Variants in C10orf90 observed in about 807,000 individuals in gnomAD.
The protein encoded by C10orf90 is chromosome 10 open reading frame 90.
C10orf90 carries 56 observed loss-of-function variants against 62.5 expected under a neutral mutation model. The ratio of observed to expected loss-of-function variants is 0.90; its 90% CI spans 0.72 to 1.12. The LOEUF (loss-of-function observed/expected upper bound fraction) is 1.12, where lower values mean the gene tolerates loss of function less well. C10orf90 is among the 50% of genes most tolerant of loss of function. The pLI is 0.00. For synonymous variants in C10orf90, 386 were observed against 340.4 expected (o/e 1.13, Z -1.47); for missense variants, 970 against 880.4 (o/e 1.10, Z -1.29).
chr10:126,600,671 G>T (rs567175359), intron 2 of C10orf90, among the ~76,000 whole-genome samples: 7 of 152,210 alleles, frequency 4.6e-5, no homozygotes, highest in African/African-American at 1.7e-4. Flanking sequence ...AAATTGATAC[G>T]ATGTATTACA....
chr10:126,664,551 C>T lies in C10orf90; in HGVS notation c.240+5690G>A, dbSNP rs1371750807. Among the ~76,000 whole-genome samples, 5 of 152,268 alleles carry T rather than the reference C, an allele frequency of 3.3e-5. No individual in the cohort carries two copies. In the East Asian group the frequency reaches 7.7e-4, roughly 24 times the overall value. On this transcript the variant is annotated intron_variant, in intron 1 of 9. Transcript: ENST00000488181. Reference sequence around the variant, plus strand: ...GGTGAGAGCCCAGACAGCCTCAACCCGGTGCTCTTTCTCTTAACCACACCA... The same window carrying T: ...GGTGAGAGCCCAGACAGCCTCAACCTGGTGCTCTTTCTCTTAACCACACCA...
intron 2 of C10orf90, among the ~76,000 whole-genome samples, chr10:126,529,550 GA>G (rs1864039134): frequency 6.9e-6 from 1 of 145,128 alleles, no homozygotes. Context: ...CAACTCAATG[GA>G]AAAATAAGCA....
chr10:126,627,088 A>C (rs1203123520), intron 2 of C10orf90, among the ~76,000 whole-genome samples: 1 of 139,840 alleles, frequency 7.2e-6, no homozygotes, highest in Non-Finnish European at 1.5e-5. Context: ...CAACCTCCGC[A>C]TCCTGGATTG....
chr10:126,456,755 CA>C lies in C10orf90; in HGVS notation c.2188+2284del, dbSNP rs1338207759. 1.3e-5 allele frequency among the ~76,000 whole-genome samples: 2 copies of C among 152,054 alleles called. No homozygotes were observed. The highest frequency in any genetic ancestry group is 2.9e-5 in the Non-Finnish European group (2 of 68,008). On this transcript the variant is annotated intron_variant, in intron 7 of 9. Transcript: ENST00000488181. The surrounding 1 kb of genome is among the most constrained non-coding windows in gnomAD (Gnocchi z 4.9). ...AAATTTGAACATAGAGACACAGACG[CA>C]GGGAGGATGGCCATGTGGAGACAGA... is the stretch of plus-strand genomic sequence containing the variant.
chr10:126,508,730 C>T lies in C10orf90; in HGVS notation c.406-3645G>A, dbSNP rs182580349. Among the ~76,000 whole-genome samples, 854 of 152,280 alleles carry T rather than the reference C, an allele frequency of 5.6e-3. 10 individuals are homozygous for T. Among genetic ancestry groups the T allele is most frequent in the African/African-American group, 0.019 (802 of 41,556 alleles). Reference sequence around the variant, plus strand: ...ACAGGACCTTGGACAGGGCCTTTGGCTGCCACAGCTGCTAAGCAAGGAGAA... The same window carrying T: ...ACAGGACCTTGGACAGGGCCTTTGGTTGCCACAGCTGCTAAGCAAGGAGAA... On this transcript the variant is annotated intron_variant, in intron 3 of 9. Transcript: ENST00000488181.
intron 7 of C10orf90, among the ~76,000 whole-genome samples, chr10:126,443,588 C>T (rs973062565): frequency 9.9e-5 from 15 of 151,886 alleles, no homozygotes; most frequent in African/African-American, 3.6e-4. Context: ...GAGCAGAATT[C>T]TACTAGCCAT....
At chr10:126,501,171 G>A (rs1325724864) in intron 4 of C10orf90, among the ~76,000 whole-genome samples, 1 of 152,172 alleles carries the variant, frequency 6.6e-6, no homozygotes, top group African/African-American at 2.4e-5. Flanking sequence ...GAAAGCTCTT[G>A]CATTAAGGCT....
chr10:126,563,422 C>T (rs1228817854), intron 2 of C10orf90, among the ~76,000 whole-genome samples: 3 of 152,212 alleles, frequency 2.0e-5, no homozygotes, highest in Non-Finnish European at 4.4e-5. Flanking sequence ...TGGCCACATG[C>T]AAAGCTCCTG....
chr10:126,652,891 G>C lies in C10orf90; in HGVS notation c.241-6254C>G, dbSNP rs1591176844. Among the ~76,000 whole-genome samples the C allele has an allele frequency of 2.0e-5, 3 of 152,136 alleles. No homozygotes were observed. The South Asian group carries it at 6.2e-4, about 32-fold the overall frequency. Reference sequence around the variant, plus strand: ...TTTACAGGCATACCTCAGAGATATTGGGGGTTCAGTTGCAGACCACCACAA... The same window carrying C: ...TTTACAGGCATACCTCAGAGATATTCGGGGTTCAGTTGCAGACCACCACAA... On this transcript the variant is annotated intron_variant, in intron 1 of 9. Coordinates refer to ENST00000488181, the MANE Select transcript of C10orf90 (RefSeq NM_001350921.2).
intron 2 of C10orf90, among the ~76,000 whole-genome samples, chr10:126,523,920 T>C (rs1021591571): frequency 2.2e-4 from 33 of 152,330 alleles, no homozygotes; most frequent in African/African-American, 7.9e-4. Context: ...TTTTTAAGGA[T>C]AAATGATATG....
intron 7 of C10orf90, among the ~76,000 whole-genome samples, chr10:126,435,953 G>C (rs1590889109): frequency 6.6e-6 from 1 of 152,108 alleles, no homozygotes; most frequent in African/African-American, 2.4e-5. Context: ...GAGACCCAGT[G>C]CTTAATATTT....
At chr10:126,520,989 C>T (rs1863712897) in intron 2 of C10orf90, 2 of 264,794 alleles carry the variant, frequency 7.6e-6, no homozygotes. Context: ...TGGCCCTTAT[C>T]CCAATAAGGT....
intron 2 of C10orf90, among the ~76,000 whole-genome samples, chr10:126,596,939 A>G (rs1168077214): frequency 4.6e-5 from 7 of 152,224 alleles, no homozygotes; most frequent in Non-Finnish European, 8.8e-5. Context: ...ACAAATAGGC[A>G]CACAAAGAGA....
At chr10:126,476,261 C>T (rs980685157) in intron 4 of C10orf90, among the ~76,000 whole-genome samples, 1 of 152,222 alleles carries the variant, frequency 6.6e-6, no homozygotes, top group Non-Finnish European at 1.5e-5. Flanking sequence ...CTGGTTTTCT[C>T]AGACACTTTT....
rs1860888914 is a variant in C10orf90, at chr10:126,476,680, T to C, written c.1535-11694A>G. ...TGCTCCGCTTTCTAATCACTCCCAT[T>C]TAACGCGGACTTCCGGAGTTATTTC... On this transcript the variant is annotated intron_variant, in intron 4 of 9. Coordinates refer to ENST00000488181, the MANE Select transcript of C10orf90 (RefSeq NM_001350921.2). Among the ~76,000 whole-genome samples the C allele has an allele frequency of 2.6e-5, 4 of 152,168 alleles. No homozygotes were observed. The South Asian group carries it at 8.3e-4, about 32-fold the overall frequency.
At chr10:126,524,035 A>G (rs1236001516) in intron 2 of C10orf90, among the ~76,000 whole-genome samples, 1 of 152,190 alleles carries the variant, frequency 6.6e-6, no homozygotes, top group Non-Finnish European at 1.5e-5. Flanking sequence ...TGGTTGTACA[A>G]ACATGTATCC....
rs552332295 is a variant in C10orf90, at chr10:126,425,420, G to C, written c.*444C>G. On this transcript the variant is annotated 3_prime_UTR_variant, in exon 10 of 10. Transcript: ENST00000488181. ...TATACTATATGATGACCCACATTTT[G>C]GCATTTGCATAACTGGCAGGTGCTG... The C allele has an allele frequency of 5.7e-6, 1 of 176,866 alleles. No individual in the cohort carries two copies. The highest frequency in any genetic ancestry group is 1.2e-5 in the Non-Finnish European group (1 of 84,108). The allele number at this position is 176,866 out of a possible 1,614,324, so 11.0% of individuals were successfully genotyped here. A position where few individuals can be genotyped will look rare whatever the true frequency, so the allele number is the denominator to read the frequency against.
intron 3 of C10orf90, among the ~76,000 whole-genome samples, chr10:126,511,182 C>T (rs1863086250): frequency 6.6e-6 from 1 of 152,168 alleles, no homozygotes; most frequent in Admixed American, 6.5e-5. Context: ...TATGAACTTG[C>T]TCTGGTATGT....
At chr10:126,492,923 C>T (rs1389588024) in intron 4 of C10orf90, among the ~76,000 whole-genome samples, 1 of 152,118 alleles carries the variant, frequency 6.6e-6, no homozygotes, top group Non-Finnish European at 1.5e-5. Flanking sequence ...ACATAAAATG[C>T]TCACATTTTT....
Sources: allele counts gnomAD v4.1 joint callset (sites outside exome capture counted in the v4.1 genomes callset), GRCh38; gene constraint gnomAD v4.1.1; non-coding constraint Gnocchi (gnomAD v3.1); transcripts MANE v1.5; gene names NCBI Gene and HGNC (gene_info 2026-07-23, HGNC 2026-07-21).